Variants in PDE4B observed in about 807,000 individuals in gnomAD.
PDE4B encodes the protein phosphodiesterase 4B.
In PDE4B, 20 loss-of-function variants were observed where a neutral mutation model predicts 82.2. The ratio of observed to expected loss-of-function variants is 0.24; its 90% CI spans 0.17 to 0.35. The LOEUF (loss-of-function observed/expected upper bound fraction) is 0.35. PDE4B is among the 10% of genes least tolerant of loss of function. The probability of loss-of-function intolerance (pLI) is 1.00; values close to 1 mark genes in which losing one functional copy is unlikely to be tolerated. For missense variants in PDE4B, 655 were observed against 907.2 expected, an observed-to-expected ratio of 0.72 and a Z score of 3.57; for synonymous variants, 320 against 318.9, an observed-to-expected ratio of 1.00 and a Z score of -0.04.
chr1:66,106,453 A>G (rs2101038035), intron 3 of PDE4B, among the ~76,000 whole-genome samples: 1 of 152,168 alleles, frequency 6.6e-6, no homozygotes, highest in South Asian at 2.1e-4. Context: ...CTGGCCTCAT[A>G]AAATGAGTTA....
chr1:66,340,376 A>T (rs980246314), intron 8 of PDE4B, among the ~76,000 whole-genome samples: 3 of 152,210 alleles, frequency 2.0e-5, no homozygotes, highest in Non-Finnish European at 2.9e-5. Flanking sequence ...GAAGTGCCAG[A>T]TAATTTTTTC....
chr1:66,213,264 G>T (rs192244690), intron 3 of PDE4B, among the ~76,000 whole-genome samples: 25 of 152,106 alleles, frequency 1.6e-4, no homozygotes, highest in African/African-American at 5.8e-4. Context: ...CTTCTTTAGA[G>T]TGTTTTTGCT....
chr1:66,127,614 C>A (rs1197440684), intron 3 of PDE4B, among the ~76,000 whole-genome samples: 1 of 151,998 alleles, frequency 6.6e-6, no homozygotes, highest in Non-Finnish European at 1.5e-5. Context: ...TTACATTACC[C>A]TAAAAATAGT....
intron 1 of PDE4B, among the ~76,000 whole-genome samples, chr1:65,884,567 C>A (rs1288327302): frequency 1.3e-5 from 2 of 152,088 alleles, no homozygotes; most frequent in Non-Finnish European, 2.9e-5. Context: ...ACATCTACAA[C>A]CATCTGATCT....
At chr1:66,218,932 A>G (rs1650735066) in intron 3 of PDE4B, among the ~76,000 whole-genome samples, 1 of 152,092 alleles carries the variant, frequency 6.6e-6, no homozygotes, top group Non-Finnish European at 1.5e-5. Context: ...TGTTTTGTTT[A>G]TAGAAAAAAA....
At chr1:66,314,138 A>G (rs1658859175) in intron 7 of PDE4B, among the ~76,000 whole-genome samples, 1 of 152,128 alleles carries the variant, frequency 6.6e-6, no homozygotes, top group Non-Finnish European at 1.5e-5. Flanking sequence ...CATTGCTTAG[A>G]ACTTAGCTCT....
At chr1:65,931,964 G>A (rs932834267) in intron 3 of PDE4B, among the ~76,000 whole-genome samples, 4 of 152,180 alleles carry the variant, frequency 2.6e-5, no homozygotes, top group Non-Finnish European at 5.9e-5. Flanking sequence ...TGCACTGACA[G>A]TTACCATATC....
chr1:66,114,326 C>T (rs1386039426), intron 3 of PDE4B, among the ~76,000 whole-genome samples: 1 of 152,128 alleles, frequency 6.6e-6, no homozygotes, highest in Non-Finnish European at 1.5e-5. Context: ...CAGACTAAGA[C>T]ATGAATTCTA....
rs539675366 is a variant in PDE4B at position 66,291,407 on chromosome 1, G to A, written c.634+25320G>A. On this transcript the variant is annotated intron_variant, in intron 7 of 16. Transcript: ENST00000341517. ...TCAGCCAACATCTCTGCTGGATCAA[G>A]CTGTTGTATATATCCATTTGTTGTC... 1.1e-4 allele frequency among the ~76,000 whole-genome samples: 16 copies of A among 152,260 alleles called. 1 individual carries two copies. The South Asian group carries it at 3.1e-3, about 30-fold the overall frequency.
rs370410927 is a variant in PDE4B at position 66,102,563 on chromosome 1, G to A, written c.282-144897G>A. Among the ~76,000 whole-genome samples, 39 of 152,018 alleles carry A rather than the reference G, an allele frequency of 2.6e-4. 1 individual carries two copies. The East Asian group carries it at 7.3e-3, about 29-fold the overall frequency. On this transcript the variant is annotated intron_variant, in intron 3 of 16. Coordinates refer to ENST00000341517, the MANE Select transcript of PDE4B (RefSeq NM_002600.4). ...TTTGGACTTATGAGAAAAATCCCCG[G>A]GGCTATTCTAAAATCCTAACAGATG...
intron 7 of PDE4B, among the ~76,000 whole-genome samples, chr1:66,314,394 GT>G (rs1307966053): frequency 6.6e-6 from 1 of 151,988 alleles, no homozygotes; most frequent in Admixed American, 6.6e-5. Flanking sequence ...TGGCTCCACT[GT>G]TTTTTGTTTT....
intron 1 of PDE4B, among the ~76,000 whole-genome samples, chr1:65,808,102 G>A (rs746362420): frequency 6.6e-6 from 1 of 151,456 alleles, no homozygotes; most frequent in Non-Finnish European, 1.5e-5. Flanking sequence ...TAGGTGAAGT[G>A]TAAGTAGGGC....
rs567252425 is a variant in PDE4B, at chr1:66,017,827, A to ATT, written c.281+98996_281+98997dup. ...ATGATGATAATCCAGTATTAGTGAG[A>ATT]TTTTTAAAAAATATATATATATATA... On this transcript the variant is annotated intron_variant, in intron 3 of 16. Transcript: ENST00000341517. Among the ~76,000 whole-genome samples, 28 of 148,810 alleles carry ATT rather than the reference A, an allele frequency of 1.9e-4. No homozygotes were observed. In the South Asian group the frequency reaches 2.4e-3, roughly 13 times the overall value.
At chr1:66,125,599 G>A (rs1478145967) in intron 3 of PDE4B, among the ~76,000 whole-genome samples, 1 of 152,188 alleles carries the variant, frequency 6.6e-6, no homozygotes, top group Non-Finnish European at 1.5e-5. Context: ...CTTCACTCTT[G>A]TTTACATCAA....
At chr1:66,130,991 A>T (rs1313783751) in intron 3 of PDE4B, among the ~76,000 whole-genome samples, 1 of 152,214 alleles carries the variant, frequency 6.6e-6, no homozygotes, top group African/African-American at 2.4e-5. Context: ...TGGGATTAGG[A>T]TGCTGTCTCC....
At chr1:66,145,346 G>A (rs181716914) in intron 3 of PDE4B, among the ~76,000 whole-genome samples, 1 of 152,288 alleles carries the variant, frequency 6.6e-6, no homozygotes, top group African/African-American at 2.4e-5. Flanking sequence ...AAGCAGATTT[G>A]ATAGTATTAG....
At chr1:66,219,086 C>T (rs2101599289) in intron 3 of PDE4B, among the ~76,000 whole-genome samples, 1 of 152,224 alleles carries the variant, frequency 6.6e-6, no homozygotes, top group South Asian at 2.1e-4. Context: ...GTCCCATTCT[C>T]ACATGGTTCT....
At position 65,842,265 on chromosome 1, in the gene PDE4B, G is replaced by GT. The variant is rs568526899; in HGVS notation, c.-71+49025dup. 1.2e-3 allele frequency among the ~76,000 whole-genome samples: 177 copies of GT among 151,620 alleles called. 1 individual carries two copies. The East Asian group carries it at 0.024, about 20-fold the overall frequency. On this transcript the variant is annotated intron_variant, in intron 1 of 16. Coordinates refer to ENST00000341517, the MANE Select transcript of PDE4B (RefSeq NM_002600.4). ...ATGGTCTCTCAACATTAAGAAAGTGGTTTTTTTTGCAGGAAATACAAAAAC... is the reference window on the plus strand; with the variant it reads ...ATGGTCTCTCAACATTAAGAAAGTGGTTTTTTTTTGCAGGAAATACAAAAAC...
At chr1:66,258,914 C>T (rs1654467382) in intron 6 of PDE4B, among the ~76,000 whole-genome samples, 1 of 152,158 alleles carries the variant, frequency 6.6e-6, no homozygotes, top group South Asian at 2.1e-4. Context: ...ATACTCTGAT[C>T]AAACTTCCAT....
Sources: allele counts gnomAD v4.1 joint callset (sites outside exome capture counted in the v4.1 genomes callset), GRCh38; gene constraint gnomAD v4.1.1; transcripts MANE v1.5; gene names NCBI Gene and HGNC (gene_info 2026-07-23, HGNC 2026-07-21).